Variants in PPM1G observed in about 807,000 individuals in gnomAD.
PPM1G encodes protein phosphatase 1G.
PPM1G carries 12 observed loss-of-function variants against 59.4 expected under a neutral mutation model. The ratio of observed to expected loss-of-function variants is 0.20; its 90% CI spans 0.13 to 0.33. The LOEUF (loss-of-function observed/expected upper bound fraction) is 0.33, where lower values mean the gene tolerates loss of function less well. Among genes scored for constraint, PPM1G ranks in the 10% least tolerant of loss-of-function variants. The probability of loss-of-function intolerance (pLI) is 1.00; values close to 1 mark genes in which losing one functional copy is unlikely to be tolerated. For synonymous variants in PPM1G, 245 were observed against 251.9 expected (o/e 0.97, Z 0.26); for missense variants, 392 against 681.3 (o/e 0.58, Z 4.73).
chr2:27,405,645 C>T (rs1292637357), intron 1 of PPM1G, among the ~76,000 whole-genome samples: 4 of 151,876 alleles, frequency 2.6e-5, no homozygotes, highest in Non-Finnish European at 4.4e-5. Context: ...CTGCCCCCCT[C>T]GGCCTCCCAA....
chr2:27,409,155 C>T (rs1316091280), intron 1 of PPM1G, 148 bp downstream of exon 1: 3 of 1,214,352 alleles, frequency 2.5e-6, no homozygotes, highest in Non-Finnish European at 2.2e-6. Flanking sequence ...CGGCCCTGAC[C>T]CCGCGGTCTC....
At chr2:27,409,105 G>A (rs1572672212) in intron 1 of PPM1G, among the ~76,000 whole-genome samples, 198 bp downstream of exon 1, 2 of 152,150 alleles carry the variant, frequency 1.3e-5, no homozygotes, top group South Asian at 4.1e-4. Flanking sequence ...GCCGCCACTG[G>A]CCACCGGCAC....
chr2:27,387,233 C>T (rs1683785588), intron 1 of PPM1G, 75 bp from the exon 2 acceptor site: 13 of 1,196,404 alleles, frequency 1.1e-5, no homozygotes, highest in Non-Finnish European at 1.6e-5. Context: ...TCAATGTCAC[C>T]CCTTACTAAC....
chr2:27,390,185 A>C, intron 1 of PPM1G, among the ~76,000 whole-genome samples: 1 of 151,816 alleles, frequency 6.6e-6, no homozygotes, highest in Admixed American at 6.6e-5. Flanking sequence ...ACGCCCAGCC[A>C]ATTTTTGTAT....
chr2:27,381,437 A>C lies in PPM1G; in HGVS notation c.*162T>G. The C allele has an allele frequency of 1.4e-6, 1 of 717,348 alleles. No homozygotes were observed. The highest frequency in any genetic ancestry group is 2.7e-5 in the East Asian group (1 of 37,118). The allele number at this position is 717,348 out of a possible 1,614,324, so 44.4% of individuals were successfully genotyped here. ...AAGGACAGCAGAGGCTCCCGGCTGC[A>C]GTGTGGAGGGAGAGCCCTCTTTGGA... On this transcript the variant is annotated 3_prime_UTR_variant, in exon 10 of 10. Coordinates refer to ENST00000344034, the MANE Select transcript of PPM1G (RefSeq NM_177983.3).
chr2:27,405,308 T>G (rs1358313913), intron 1 of PPM1G, among the ~76,000 whole-genome samples: 1 of 152,074 alleles, frequency 6.6e-6, no homozygotes, highest in African/African-American at 2.4e-5. Context: ...CTTGATCTCG[T>G]GATCCGCCCA....
At chr2:27,387,017 G>A (rs866393196) in intron 2 of PPM1G, 72 bp downstream of exon 2, 2 of 1,181,244 alleles carry the variant, frequency 1.7e-6, no homozygotes, top group South Asian at 1.2e-5. Context: ...ATGAACAAAG[G>A]GACCTGTTCT....
intron 1 of PPM1G, among the ~76,000 whole-genome samples, chr2:27,397,523 G>T (rs1413346200): frequency 2.0e-5 from 3 of 152,100 alleles, no homozygotes; most frequent in Non-Finnish European, 4.4e-5. Flanking sequence ...AAAAATGCAA[G>T]GTTGGTTTAA....
chr2:27,397,374 A>G (rs1048086883), intron 1 of PPM1G, among the ~76,000 whole-genome samples: 1 of 152,176 alleles, frequency 6.6e-6, no homozygotes, highest in Non-Finnish European at 1.5e-5. Context: ...CTAAAACCAG[A>G]CAAAGACATC....
Position 27,384,101 on chromosome 2 carries a change from G to A in PPM1G, c.826-9C>T. On this transcript the variant is annotated splice_polypyrimidine_tract_variant and intron_variant, in intron 5 of 9. Transcript: ENST00000344034. This position sits in a 1 kb window ranked among gnomAD's most constrained non-coding sequence, Gnocchi z 4.8. ...TCTTCCTCGCTGCATTCCTGCCAGG[G>A]GGAGGATCCCAGACTGCTGAGACTG... is the stretch of plus-strand genomic sequence containing the variant. 6.2e-7 allele frequency: 1 copy of A among 1,613,936 alleles called. No homozygotes were observed. The highest frequency in any genetic ancestry group is 8.5e-7 in the Non-Finnish European group (1 of 1,179,936).
At chr2:27,395,561 G>A (rs1684030515) in intron 1 of PPM1G, among the ~76,000 whole-genome samples, 1 of 151,944 alleles carries the variant, frequency 6.6e-6, no homozygotes, top group South Asian at 2.1e-4. Context: ...AAACAAAACT[G>A]GTTGGGCATG....
chr2:27,392,766 G>A (rs899451364), intron 1 of PPM1G: 5 of 1,425,148 alleles, frequency 3.5e-6, no homozygotes, highest in South Asian at 1.1e-5. Context: ...TATGGCTATG[G>A]GGAAATTAGC....
chr2:27,385,985 A>T lies in PPM1G; in HGVS notation c.277-106T>A. ...ATTAAGAGTGTGAGCCACCACACTA[A>T]GAGACACTCACAGATAAAAACAGCT... On this transcript the variant is annotated intron_variant, in intron 3 of 9. Coordinates refer to ENST00000344034, the MANE Select transcript of PPM1G (RefSeq NM_177983.3). This position sits in a 1 kb window ranked among gnomAD's most constrained non-coding sequence, Gnocchi z 4.1. 7.2e-7 allele frequency: 1 copy of T among 1,393,598 alleles called. No homozygotes were observed. The highest frequency in any genetic ancestry group is 9.7e-7 in the Non-Finnish European group (1 of 1,030,918). 86.3% of individuals were successfully genotyped at this position (1,393,598 alleles called of 1,614,324 possible). A position where few individuals can be genotyped will look rare whatever the true frequency, so the allele number is the denominator to read the frequency against.
chr2:27,396,334 G>C (rs1357446245), intron 1 of PPM1G, among the ~76,000 whole-genome samples: 1 of 152,062 alleles, frequency 6.6e-6, no homozygotes, highest in Non-Finnish European at 1.5e-5. Context: ...TCCACTTACA[G>C]TATGAAGTAT....
Position 27,385,595 on chromosome 2 carries a change from C to T in PPM1G, c.409+152G>A. On this transcript the variant is annotated intron_variant, in intron 4 of 9. Transcript: ENST00000344034. The surrounding 1 kb of genome is among the most constrained non-coding windows in gnomAD (Gnocchi z 4.1). Reference sequence around the variant, plus strand: ...ATAATTCTCTCCCTCCTTTTCATAACCACATACAATGCAGGAGAACATCAT... The same window carrying T: ...ATAATTCTCTCCCTCCTTTTCATAATCACATACAATGCAGGAGAACATCAT... 3 of 961,174 alleles carry T rather than the reference C, an allele frequency of 3.1e-6. No homozygotes were observed. Among genetic ancestry groups the T allele is most frequent in the Non-Finnish European group, 4.5e-6 (3 of 667,478 alleles). 59.5% of individuals were successfully genotyped at this position (961,174 alleles called of 1,614,324 possible).
At chr2:27,392,006 C>T (rs182252157) in intron 1 of PPM1G, among the ~76,000 whole-genome samples, 136 of 151,628 alleles carry the variant, frequency 9.0e-4, no homozygotes, top group Non-Finnish European at 1.4e-3. Context: ...GCTGGGATTA[C>T]GGGTGTGAGC....
intron 1 of PPM1G, among the ~76,000 whole-genome samples, chr2:27,390,883 T>C (rs562748366): frequency 2.8e-5 from 4 of 140,888 alleles, no homozygotes; most frequent in Admixed American, 2.1e-4. Flanking sequence ...TTTACATCCA[T>C]GTGTACTTGA....
intron 1 of PPM1G, among the ~76,000 whole-genome samples, chr2:27,401,923 T>C (rs948175453): frequency 2.0e-5 from 3 of 152,072 alleles, no homozygotes; most frequent in African/African-American, 7.2e-5. Flanking sequence ...CCCACTGAAT[T>C]ATACTCTTAA....
chr2:27,405,585 C>T lies in PPM1G; in HGVS notation c.120+3718G>A, dbSNP rs551356847. Among the ~76,000 whole-genome samples the T allele has an allele frequency of 2.7e-5, 4 of 150,622 alleles. No homozygotes were observed. In the East Asian group the frequency reaches 8.0e-4, roughly 30 times the overall value. Reference sequence around the variant, plus strand: ...CTAATTTTTGTATTTTCAGTAGAGACGGGGTTTCACCATGTTGACTAGGCT... The same window carrying T: ...CTAATTTTTGTATTTTCAGTAGAGATGGGGTTTCACCATGTTGACTAGGCT... On this transcript the variant is annotated intron_variant, in intron 1 of 9. Transcript: ENST00000344034.
Sources: gnomAD v4.1 joint callset for allele counts (sites outside exome capture counted in the v4.1 genomes callset) on GRCh38, gnomAD v4.1.1 for gene constraint, Gnocchi (gnomAD v3.1) non-coding constraint, MANE v1.5 for transcripts, NCBI Gene and HGNC (gene_info 2026-07-23, HGNC 2026-07-21) for gene names.